The following DYNC2H1 variants were observed in gnomAD, a reference collection of about 807,000 sequenced individuals.
DYNC2H1 encodes cytoplasmic dynein 2 heavy chain 1.
Under a neutral mutation model 570.0 loss-of-function variants are expected in DYNC2H1, and 410 were observed. The observed-to-expected ratio is 0.72, with a 90% CI of 0.66 to 0.78. DYNC2H1 has a LOEUF of 0.78. DYNC2H1 is among the 30% of genes least tolerant of loss of function. The pLI is 0.00. For synonymous variants in DYNC2H1, 1,688 were observed against 1,677.6 expected, an observed-to-expected ratio of 1.01 and a Z score of -0.15; for missense variants, 4,865 against 5,046.4, an observed-to-expected ratio of 0.96 and a Z score of 1.09.
At chr11:103,286,036 T>G (rs918424155) in intron 73 of DYNC2H1, among the ~76,000 whole-genome samples, 5 of 152,176 alleles carry the variant, frequency 3.3e-5, no homozygotes, top group Non-Finnish European at 5.9e-5. Flanking sequence ...TGAGTACTGA[T>G]TTAGTACTAC....
intron 63 of DYNC2H1, among the ~76,000 whole-genome samples, chr11:103,242,464 T>A (rs1864458032): frequency 6.6e-6 from 1 of 152,218 alleles, no homozygotes; most frequent in Non-Finnish European, 1.5e-5. Flanking sequence ...TAAGGGGGAC[T>A]GCTGTACCCC....
chr11:103,178,274 T>C (rs1861707430), intron 38 of DYNC2H1, among the ~76,000 whole-genome samples: 1 of 152,100 alleles, frequency 6.6e-6, no homozygotes, highest in South Asian at 2.1e-4. Flanking sequence ...GTTGACTTGG[T>C]TTTTTAAGAG....
chr11:103,198,636 C>T (rs72989782), intron 48 of DYNC2H1, among the ~76,000 whole-genome samples: 7,537 of 152,164 alleles, frequency 0.05, 251 homozygotes, highest in Non-Finnish European at 0.071. Context: ...TATCAGGAAA[C>T]ATTTTTTCAT....
intron 88 of DYNC2H1, among the ~76,000 whole-genome samples, chr11:103,476,568 TAG>T: frequency 6.6e-6 from 1 of 152,330 alleles, no homozygotes; most frequent in Admixed American, 6.5e-5. Flanking sequence ...TAGAAAAATT[TAG>T]GACAGATGGT....
At chr11:103,265,031 CA>C in intron 70 of DYNC2H1, among the ~76,000 whole-genome samples, 1 of 152,038 alleles carries the variant, frequency 6.6e-6, no homozygotes, top group South Asian at 2.1e-4. Context: ...TCTCAGGATA[CA>C]AAAAAAGGAT....
In DYNC2H1 at chr11:103,324,164, T is replaced by A. The variant is rs114356149; in HGVS notation, c.12039+174T>A. ...TTTTTAAAATATTTGATTTTCTGATTTTTTTTCTTTTTAAACTTTTATTTT... is the reference window on the plus strand; with the variant it reads ...TTTTTAAAATATTTGATTTTCTGATATTTTTTCTTTTTAAACTTTTATTTT... On this transcript the variant is annotated intron_variant, in intron 82 of 88. Transcript: ENST00000375735. The surrounding 1 kb of genome is among the most constrained non-coding windows in gnomAD (Gnocchi z 5.2). Among the ~76,000 whole-genome samples the A allele has an allele frequency of 8.1e-3, 1,233 of 152,346 alleles. 19 individuals are homozygous for A. Among genetic ancestry groups the A allele is most frequent in the African/African-American group, 0.028 (1,163 of 41,586 alleles).
In DYNC2H1 at chr11:103,439,391, A is replaced by G. The variant is rs1383244986; in HGVS notation, c.12456+3359A>G. Among the ~76,000 whole-genome samples, 2 of 152,160 alleles carry G rather than the reference A, an allele frequency of 1.3e-5. No homozygotes were observed. The highest frequency in any genetic ancestry group is 1.9e-4 in the East Asian group (1 of 5,190). Reference sequence around the variant, plus strand: ...TAAGCATTGTGGTTTTCAAGTAACTAAAAGCAAAGCATAGATTGCAAGGAG... The same window carrying G: ...TAAGCATTGTGGTTTTCAAGTAACTGAAAGCAAAGCATAGATTGCAAGGAG... On this transcript the variant is annotated intron_variant, in intron 85 of 88. Coordinates refer to ENST00000375735, the MANE Select transcript of DYNC2H1 (RefSeq NM_001377.3). This position sits in a 1 kb window ranked among gnomAD's most constrained non-coding sequence, Gnocchi z 4.1.
At chr11:103,250,094 T>C (rs566592515) in intron 65 of DYNC2H1, among the ~76,000 whole-genome samples, 20 of 152,170 alleles carry the variant, frequency 1.3e-4, no homozygotes, top group African/African-American at 4.8e-4. Context: ...ACTGGGATTA[T>C]TTTGTTTTGT....
chr11:103,115,141 T>G (rs1858314120), intron 3 of DYNC2H1, 36 bp from the exon 4 acceptor site: 2 of 1,481,210 alleles, frequency 1.4e-6, no homozygotes, highest in Admixed American at 1.9e-5. Context: ...TTCTCTGATA[T>G]TCTATGCCAT....
In DYNC2H1 at chr11:103,254,645, C is replaced by T. The variant is rs557042408; in HGVS notation, c.10207-770C>T. 9.8e-4 allele frequency among the ~76,000 whole-genome samples: 149 copies of T among 152,232 alleles called. 1 individual carries two copies. Among genetic ancestry groups the T allele is most frequent in the African/African-American group, 3.2e-3 (134 of 41,550 alleles). ...TCCCACCAGAAATATAGGAGGGTTC[C>T]GCTTTTTTCCATATCCTTGCCAACT... On this transcript the variant is annotated intron_variant, in intron 66 of 88. Transcript: ENST00000375735. The surrounding 1 kb of genome is among the most constrained non-coding windows in gnomAD (Gnocchi z 4.9).
chr11:103,114,336 T>G, intron 3 of DYNC2H1, 98 bp downstream of exon 3: 1 of 1,347,982 alleles, frequency 7.4e-7, no homozygotes, highest in Non-Finnish European at 9.8e-7. Flanking sequence ...TTCAAATACT[T>G]TTGGAATTTC....
chr11:103,459,923 C>T (rs1285099495), intron 87 of DYNC2H1, among the ~76,000 whole-genome samples: 4 of 132,434 alleles, frequency 3.0e-5, no homozygotes, highest in Non-Finnish European at 4.5e-5. Flanking sequence ...CTGCAGTCCG[C>T]AGTCCGGCCT....
At chr11:103,162,597 A>G (rs1565356103) in intron 29 of DYNC2H1, among the ~76,000 whole-genome samples, 1 of 152,204 alleles carries the variant, frequency 6.6e-6, no homozygotes, top group Non-Finnish European at 1.5e-5. Flanking sequence ...TATGAATATA[A>G]GATCATCAGG....
chr11:103,132,307 C>T (rs1859320115), intron 13 of DYNC2H1, among the ~76,000 whole-genome samples: 1 of 152,026 alleles, frequency 6.6e-6, no homozygotes, highest in African/African-American at 2.4e-5. Context: ...ATTTCTGTTA[C>T]TGTATTTTTC....
intron 70 of DYNC2H1, among the ~76,000 whole-genome samples, chr11:103,279,667 G>A (rs1010089922): frequency 6.6e-6 from 1 of 151,948 alleles, no homozygotes; most frequent in African/African-American, 2.4e-5. Context: ...TATGTGATTG[G>A]TGTCTTTTTG....
intron 47 of DYNC2H1, among the ~76,000 whole-genome samples, chr11:103,192,892 G>A (rs530289596): frequency 3.0e-4 from 46 of 152,258 alleles, no homozygotes; most frequent in African/African-American, 1.0e-3. Flanking sequence ...TAAAACTGCT[G>A]TCAGGCCACA....
At position 103,171,063 on chromosome 11, in the gene DYNC2H1, A is replaced by T; in HGVS notation, c.5329A>T (p.Lys1777Ter). 1 of 1,590,264 alleles carries T rather than the reference A, an allele frequency of 6.3e-7. No homozygotes were observed. Among genetic ancestry groups the T allele is most frequent in the South Asian group, 1.2e-5 (1 of 86,884 alleles). The change falls in exon 34 of 89, where the codon AAG becomes TAG. Residue 1777 changes from lysine (K) to a stop codon, truncating the protein, a stop_gained. Coordinates refer to ENST00000375735, the MANE Select transcript of DYNC2H1 (RefSeq NM_001377.3). LOFTEE classifies it high-confidence loss of function. ...NHRTVCELLG[K>*]EVEVNSNSGI... is the part of the protein sequence containing the mutation. Reference sequence around the variant, plus strand: ...TAGAACTGTATGTGAACTGCTTGGCAAGGAGGTATAGAATATGTTGGGAAT... The same window carrying T: ...TAGAACTGTATGTGAACTGCTTGGCTAGGAGGTATAGAATATGTTGGGAAT...
intron 84 of DYNC2H1, among the ~76,000 whole-genome samples, chr11:103,427,917 A>G (rs1040821210): frequency 6.6e-6 from 1 of 151,316 alleles, no homozygotes; most frequent in Non-Finnish European, 1.5e-5. Context: ...ATCATTCTCC[A>G]CTGTACTAGA....
chr11:103,153,195 G>A (rs1442880000), intron 21 of DYNC2H1, 108 bp from the exon 22 acceptor site: 2 of 914,308 alleles, frequency 2.2e-6, no homozygotes, highest in African/African-American at 3.6e-5. Flanking sequence ...GTTGACATTG[G>A]TCATTGATAT....
Sources: allele counts gnomAD v4.1 joint callset (sites outside exome capture counted in the v4.1 genomes callset), GRCh38; gene constraint gnomAD v4.1.1; non-coding constraint Gnocchi (gnomAD v3.1); transcripts MANE v1.5; gene names NCBI Gene and HGNC (gene_info 2026-07-23, HGNC 2026-07-21).